Variants in NPEPL1 observed in about 807,000 individuals in gnomAD.
The protein encoded by NPEPL1 is probable aminopeptidase NPEPL1.
NPEPL1 carries 45 observed loss-of-function variants against 52.4 expected under a neutral mutation model. The observed-to-expected ratio is 0.86, with a 90% CI of 0.68 to 1.10. NPEPL1 has a LOEUF of 1.10. Among genes scored for constraint, NPEPL1 ranks in the 50% least tolerant of loss-of-function variants. The pLI, the probability that NPEPL1 is intolerant of heterozygous loss-of-function variation, is 0.00. For missense variants in NPEPL1, 696 were observed against 710.9 expected (o/e 0.98, Z 0.24); for synonymous variants, 360 against 314.7 (o/e 1.14, Z -1.52).
chr20:58,692,965 TG>T lies in NPEPL1; in HGVS notation c.66del (p.Leu23CysfsTer34). ...GACTCGGACCCACAGAGCCGGCCCC[TG>T]CTGCTGCTCGGGCAGCTGCACCACC... is the stretch of plus-strand genomic sequence containing the variant. ...AGDSDPQSRP[L>X]LLLGQLHHLH... On this transcript the variant is annotated frameshift_variant, in exon 1 of 12. Transcript: ENST00000356091. LOFTEE classifies it high-confidence loss of function. The surrounding 1 kb of genome is among the most constrained non-coding windows in gnomAD (Gnocchi z 5.7). 8.4e-7 allele frequency: 1 copy of T among 1,190,848 alleles called. No individual in the cohort carries two copies. The highest frequency in any genetic ancestry group is 1.1e-6 in the Non-Finnish European group (1 of 942,032). 73.8% of individuals were successfully genotyped at this position (1,190,848 alleles called of 1,614,324 possible).
rs1258677043 is a variant in NPEPL1, at chr20:58,699,053, C to A, written c.598-144C>A. 6.5e-6 allele frequency: 5 copies of A among 771,214 alleles called. No individual in the cohort carries two copies. In the Admixed American group the frequency reaches 1.0e-4, roughly 16 times the overall value. The allele number at this position is 771,214 out of a possible 1,614,324, so 47.8% of individuals were successfully genotyped here. On this transcript the variant is annotated intron_variant, in intron 4 of 11. Coordinates refer to ENST00000356091, the MANE Select transcript of NPEPL1 (RefSeq NM_024663.4). ...AGGGTGAGCCCCCTCTTCTGGGTTT[C>A]ATCACACGCGAAGCTGGCTCCCAAG...
chr20:58,713,358 G>A lies in NPEPL1; in HGVS notation c.1002-62G>A. 6.6e-7 allele frequency: 1 copy of A among 1,507,948 alleles called. No homozygotes were observed. 93.4% of individuals were successfully genotyped at this position (1,507,948 alleles called of 1,614,324 possible). ...CAAATGGGGTCTCCCCAGTTTCAAA[G>A]GGGCTCATGCCAGTGTCCCAGGAAA... On this transcript the variant is annotated intron_variant, in intron 8 of 11. Transcript: ENST00000356091. This position sits in a 1 kb window ranked among gnomAD's most constrained non-coding sequence, Gnocchi z 4.6.
chr20:58,715,010 C>A (rs2084925122), intron 11 of NPEPL1, 158 bp from the exon 12 acceptor site: 2 of 828,760 alleles, frequency 2.4e-6, no homozygotes, highest in South Asian at 1.8e-5. Flanking sequence ...CAGCCAGCAG[C>A]ATGGAAGGCT....
upstream of NPEPL1, among the ~76,000 whole-genome samples, chr20:58,689,578 A>T (rs908284291): frequency 6.6e-6 from 1 of 152,170 alleles, no homozygotes; most frequent in Non-Finnish European, 1.5e-5. Flanking sequence ...AGCTTTTGAC[A>T]GTGCCAGAAT....
intron 7 of NPEPL1, among the ~76,000 whole-genome samples, chr20:58,708,192 G>A (rs1288992138): frequency 2.0e-5 from 3 of 152,182 alleles, no homozygotes; most frequent in Non-Finnish European, 4.4e-5. Context: ...AACTTGAAAT[G>A]GAAAAACAAA....
chr20:58,708,152 C>T (rs1412329883), intron 7 of NPEPL1, among the ~76,000 whole-genome samples: 1 of 152,226 alleles, frequency 6.6e-6, no homozygotes, highest in Non-Finnish European at 1.5e-5. Flanking sequence ...GCCTACCTTT[C>T]TCAGGCCAGC....
chr20:58,698,816 G>A (rs1384098742), intron 4 of NPEPL1, 43 bp downstream of exon 4: 5 of 1,550,382 alleles, frequency 3.2e-6, no homozygotes, highest in Middle Eastern at 1.7e-4. Flanking sequence ...AGGCTGGGGT[G>A]GGTGTCATAG....
Position 58,713,749 on chromosome 20 carries a change from T to A in NPEPL1, c.1126-168T>A, listed in dbSNP as rs1408922681. ...GGATGCAGAGCCGGGAACCGCCTCC[T>A]GTGTGCTTCATGGCCATGGTCCTTT... On this transcript the variant is annotated intron_variant, in intron 9 of 11. Coordinates refer to ENST00000356091, the MANE Select transcript of NPEPL1 (RefSeq NM_024663.4). This position sits in a 1 kb window ranked among gnomAD's most constrained non-coding sequence, Gnocchi z 4.6. 1 of 1,049,732 alleles carries A rather than the reference T, an allele frequency of 9.5e-7. No individual in the cohort carries two copies. The highest frequency in any genetic ancestry group is 1.6e-5 in the African/African-American group (1 of 61,978). 65.0% of individuals were successfully genotyped at this position (1,049,732 alleles called of 1,614,324 possible).
intron 4 of NPEPL1, 77 bp from the exon 5 acceptor site, chr20:58,699,120 C>T (rs939409127): frequency 6.5e-6 from 9 of 1,376,138 alleles, no homozygotes; most frequent in Non-Finnish European, 9.1e-6. Context: ...TCATCCCTGG[C>T]CCCAGCCTCG....
rs1230684340 is a variant in NPEPL1 at position 58,715,271 on chromosome 20, T to G, written c.1517T>G (p.Val506Gly). ...CTGGTGTCCCCACTGGGCTGTGAGG[T>G]GGATGTCGAGGAGGGGGACCTGGGG... ...LNLVSPLGCE[V>G]DVEEGDLGRD... is the part of the protein sequence containing the mutation. The change falls in exon 12 of 12, where the codon GTG becomes GGG. Residue 506 changes from valine (V) to glycine (G), a missense_variant. Val to Gly is a moderately radical substitution (Grantham distance 109). Coordinates refer to ENST00000356091, the MANE Select transcript of NPEPL1 (RefSeq NM_024663.4). 1 of 1,610,968 alleles carries G rather than the reference T, an allele frequency of 6.2e-7. No homozygotes were observed. The highest frequency in any genetic ancestry group is 1.7e-5 in the Admixed American group (1 of 59,808).
intron 11 of NPEPL1, 89 bp from the exon 12 acceptor site, chr20:58,715,079 G>A (rs1315369271): frequency 1.4e-6 from 2 of 1,404,262 alleles, no homozygotes; most frequent in East Asian, 5.0e-5. Context: ...GGGGCACGTG[G>A]AGGGGACCCA....
intron 3 of NPEPL1, among the ~76,000 whole-genome samples, 154 bp from the exon 4 acceptor site, chr20:58,698,530 C>T (rs566950019): frequency 7.2e-5 from 11 of 152,084 alleles, no homozygotes; most frequent in African/African-American, 2.4e-4. Context: ...GGGCAGGCAG[C>T]GAGAGCCATG....
At chr20:58,701,376 G>A (rs184050746) in intron 6 of NPEPL1, among the ~76,000 whole-genome samples, 4 of 134,308 alleles carry the variant, frequency 3.0e-5, no homozygotes, top group East Asian at 4.1e-4. Flanking sequence ...GTGCCCTGGG[G>A]GGGGGGGAGG....
rs202088906 is a variant in NPEPL1 at position 58,698,712 on chromosome 20, G to A, written c.536G>A (p.Arg179Gln). Residue 179 changes from arginine (R) to glutamine (Q), a missense_variant, in exon 4 of 12, where the codon CGG becomes CAG. Coordinates refer to ENST00000356091, the MANE Select transcript of NPEPL1 (RefSeq NM_024663.4). ...TTAGCGAATGCCACAGACGGCGTGC[G>A]GCTAGCAGCCCGCATCGTGGACACA... The part of the protein sequence containing the change: ...QCLANATDGV[R>Q]LAARIVDTPC... The A allele has an allele frequency of 8.2e-5, 132 of 1,612,924 alleles. No individual in the cohort carries two copies. Among genetic ancestry groups the A allele is most frequent in the Non-Finnish European group, 1.0e-4 (120 of 1,179,850 alleles).
chr20:58,691,198 A>G (rs1601084025), upstream of NPEPL1: 10 of 702,760 alleles, frequency 1.4e-5, no homozygotes, highest in East Asian at 2.1e-4. Flanking sequence ...TTGCAAACAG[A>G]AAAAAGAGTG....
chr20:58,694,993 GGTGTGTGTGTGCATGTGTGATGTGT>G (rs2084434644), intron 3 of NPEPL1, among the ~76,000 whole-genome samples: 6 of 9,474 alleles, frequency 6.3e-4, no homozygotes, highest in Non-Finnish European at 1.4e-3. Flanking sequence ...ATGTGTGGGG[GGTGTGTGTGTGCATGTGTGATGTGT>G]GTGTGTGTGT....
In NPEPL1 at chr20:58,698,670, C is replaced by T. The variant is rs2084542892; in HGVS notation, c.508-14C>T. On this transcript the variant is annotated splice_polypyrimidine_tract_variant and intron_variant, in intron 3 of 11. Transcript: ENST00000356091. ...CTCCCACCTGGTCCCCAGTGATGGC[C>T]TTTTTCTCCCTAGTGCTTAGCGAAT... The T allele has an allele frequency of 6.2e-7, 1 of 1,610,472 alleles. No individual in the cohort carries two copies. Among genetic ancestry groups the T allele is most frequent in the South Asian group, 1.1e-5 (1 of 91,050 alleles).
chr20:58,695,163 T>G (rs936476003), intron 3 of NPEPL1, among the ~76,000 whole-genome samples: 9 of 48,532 alleles, frequency 1.9e-4, no homozygotes, highest in African/African-American at 4.3e-4. Flanking sequence ...GCATGTGTGG[T>G]GTGTGCATGT....
At chr20:58,712,888 A>G in intron 8 of NPEPL1, 1 of 441,068 alleles carries the variant, frequency 2.3e-6, no homozygotes, top group Non-Finnish European at 4.3e-6. Flanking sequence ...GGGTGTGTGA[A>G]GCTCTGACCC....
Sources: allele counts gnomAD v4.1 joint callset (sites outside exome capture counted in the v4.1 genomes callset), GRCh38; gene constraint gnomAD v4.1.1; non-coding constraint Gnocchi (gnomAD v3.1); transcripts MANE v1.5; gene names NCBI Gene and HGNC (gene_info 2026-07-23, HGNC 2026-07-21).